The following VSTM2A variants were observed in gnomAD, a reference collection of about 807,000 sequenced individuals.
VSTM2A encodes V-set and transmembrane domain containing 2A.
Under a neutral mutation model 27.3 loss-of-function variants are expected in VSTM2A, and 13 were observed. That is an observed-to-expected ratio of 0.48 (90% CI 0.31 to 0.76). The LOEUF (loss-of-function observed/expected upper bound fraction) is 0.76, where lower values mean the gene tolerates loss of function less well. Ranked by LOEUF, VSTM2A falls within the 30% of genes least tolerant of loss-of-function variation. The pLI, the probability that VSTM2A is intolerant of heterozygous loss-of-function variation, is 0.05. For synonymous variants in VSTM2A, 142 were observed against 125.7 expected (o/e 1.13, Z -0.87); for missense variants, 280 against 310.0 (o/e 0.90, Z 0.73).
intron 4 of VSTM2A, among the ~76,000 whole-genome samples, chr7:54,568,763 G>C (rs1788801315): frequency 6.6e-6 from 1 of 152,116 alleles, no homozygotes; most frequent in Admixed American, 6.5e-5. Context: ...ATCTGGATTT[G>C]CCCCTCTCAG....
At chr7:54,561,842 C>T (rs1486076161) in intron 4 of VSTM2A, among the ~76,000 whole-genome samples, 1 of 152,138 alleles carries the variant, frequency 6.6e-6, no homozygotes, top group Admixed American at 6.5e-5. Context: ...TTTGTAGGTC[C>T]TATTGACATT....
intron 1 of VSTM2A, among the ~76,000 whole-genome samples, chr7:54,543,323 C>T (rs1787845231): frequency 6.6e-6 from 1 of 152,174 alleles, no homozygotes; most frequent in Non-Finnish European, 1.5e-5. Flanking sequence ...CAAGCAGCAG[C>T]AGCCTGCTGA....
intron 4 of VSTM2A, among the ~76,000 whole-genome samples, chr7:54,565,228 G>C (rs773919443): frequency 6.6e-6 from 1 of 152,198 alleles, no homozygotes; most frequent in African/African-American, 2.4e-5. Context: ...ATGACTCCCT[G>C]CTAGGATGAG....
At chr7:54,547,078 C>G (rs1010121263) in intron 3 of VSTM2A, 81 bp downstream of exon 3, 17 of 1,470,712 alleles carry the variant, frequency 1.2e-5, no homozygotes, top group East Asian at 2.6e-5. Context: ...GGCGGCTTGC[C>G]AGCGCTGCAG....
chr7:54,545,368 C>T (rs368359181), intron 2 of VSTM2A, among the ~76,000 whole-genome samples: 2 of 137,044 alleles, frequency 1.5e-5, no homozygotes, highest in Non-Finnish European at 3.1e-5. Flanking sequence ...CCGGGAGAGG[C>T]ACAGAGAAGG....
chr7:54,546,910 C>G (rs200896283), intron 2 of VSTM2A, 37 bp from the exon 3 acceptor site: 4 of 1,595,808 alleles, frequency 2.5e-6, no homozygotes, highest in African/African-American at 2.7e-5. Context: ...GTCGGGCGGG[C>G]CTGGCGCGGG....
intron 3 of VSTM2A, among the ~76,000 whole-genome samples, chr7:54,547,380 T>C (rs1420923570): frequency 2.0e-5 from 3 of 152,122 alleles, no homozygotes; most frequent in Non-Finnish European, 4.4e-5. Context: ...GGGAGAAAAA[T>C]ATAAAGCATC....
Position 54,543,271 on chromosome 7 carries a change from C to T in VSTM2A, c.79+462C>T, listed in dbSNP as rs77869386. ...TTTTGTATGTGTGTTTATCAAAGGA[C>T]AGACTCCTCTGAGGACCCATAAAAA... On this transcript the variant is annotated intron_variant, in intron 1 of 4. Coordinates refer to ENST00000402613, the MANE Select transcript of VSTM2A (RefSeq NM_001301009.2). 9.9e-3 allele frequency among the ~76,000 whole-genome samples: 1,509 copies of T among 152,236 alleles called. 13 individuals are homozygous for T. The highest frequency in any genetic ancestry group is 0.016 in the Non-Finnish European group (1,099 of 68,014).
chr7:54,556,644 G>T (rs1382136995), intron 4 of VSTM2A, among the ~76,000 whole-genome samples: 1 of 152,156 alleles, frequency 6.6e-6, no homozygotes, highest in African/African-American at 2.4e-5. Context: ...TGTAAATCAA[G>T]TGTCTATGAA....
intron 1 of VSTM2A, 105 bp downstream of exon 1, chr7:54,542,914 C>CAGTG (rs1787832259): frequency 9.3e-7 from 1 of 1,074,250 alleles, no homozygotes; most frequent in African/African-American, 1.6e-5. Context: ...TAGCAAGTAA[C>CAGTG]AGTGGGCTTA....
intron 4 of VSTM2A, chr7:54,550,565 AG>A: frequency 3.7e-6 from 1 of 272,604 alleles, no homozygotes; most frequent in Middle Eastern, 1.1e-3. Flanking sequence ...AATGTAAATG[AG>A]AGAGACATGC....
At chr7:54,543,988 C>A (rs777706219) in intron 1 of VSTM2A, among the ~76,000 whole-genome samples, 2 of 152,168 alleles carry the variant, frequency 1.3e-5, no homozygotes, top group Non-Finnish European at 2.9e-5. Flanking sequence ...GATGTGTGAT[C>A]ATTACATCTT....
intron 4 of VSTM2A, among the ~76,000 whole-genome samples, chr7:54,566,228 G>C (rs1360367859): frequency 6.6e-6 from 1 of 152,216 alleles, no homozygotes; most frequent in Non-Finnish European, 1.5e-5. Context: ...TAGACCTGCT[G>C]CCTGTAAATT....
intron 4 of VSTM2A, chr7:54,559,328 A>T (rs1788475731): frequency 1.3e-5 from 2 of 152,176 alleles, no homozygotes; most frequent in Non-Finnish European, 2.9e-5. Flanking sequence ...AGGTTTGAAT[A>T]AATGAGTTAC....
At chr7:54,559,950 A>G (rs1562712847) in intron 4 of VSTM2A, 2 of 152,026 alleles carry the variant, frequency 1.3e-5, no homozygotes. Context: ...AAAAGAAAAA[A>G]AGAAAATGTA....
intron 4 of VSTM2A, among the ~76,000 whole-genome samples, chr7:54,563,627 T>G (rs1384314376): frequency 6.6e-6 from 1 of 152,066 alleles, no homozygotes; most frequent in Admixed American, 6.5e-5. Flanking sequence ...GAGAGAACAG[T>G]CTCTGGTGAA....
chr7:54,565,680 G>A (rs549298502), intron 4 of VSTM2A, among the ~76,000 whole-genome samples: 2 of 152,374 alleles, frequency 1.3e-5, no homozygotes, highest in East Asian at 3.9e-4. Context: ...TCCACTGGAG[G>A]GAGGGGCAGC....
intron 4 of VSTM2A, chr7:54,557,775 A>T (rs1394499596): frequency 1.3e-5 from 2 of 152,228 alleles, no homozygotes; most frequent in Non-Finnish European, 2.9e-5. Flanking sequence ...TATGACTATT[A>T]TTGCATATGC....
At chr7:54,558,734 C>T (rs1246899583) in intron 4 of VSTM2A, 1 of 151,774 alleles carries the variant, frequency 6.6e-6, no homozygotes. Context: ...TAAAGAAGGA[C>T]CTATTTAATT....
Sources: gnomAD v4.1 joint callset for allele counts (sites outside exome capture counted in the v4.1 genomes callset) on GRCh38, gnomAD v4.1.1 for gene constraint, MANE v1.5 for transcripts, NCBI Gene and HGNC (gene_info 2026-07-23, HGNC 2026-07-21) for gene names.